Variants in CCDC138 observed in about 807,000 individuals in gnomAD.
The protein encoded by CCDC138 is coiled-coil domain-containing protein 138.
In CCDC138, 66 loss-of-function variants were observed where a neutral mutation model predicts 82.3. The observed-to-expected ratio is 0.80, with a 90% CI of 0.66 to 0.98. The LOEUF (loss-of-function observed/expected upper bound fraction) is 0.98. CCDC138 is among the 50% of genes least tolerant of loss of function. The pLI is 0.00. For synonymous variants in CCDC138, 297 were observed against 265.4 expected (o/e 1.12, Z -1.16); for missense variants, 816 against 758.9 (o/e 1.08, Z -0.88).
At chr2:108,813,979 C>T (rs751800951) in intron 9 of CCDC138, among the ~76,000 whole-genome samples, 2 of 152,066 alleles carry the variant, frequency 1.3e-5, no homozygotes, top group Non-Finnish European at 2.9e-5. Flanking sequence ...GAGTTTGTTC[C>T]TTCATTCTTC....
intron 6 of CCDC138, among the ~76,000 whole-genome samples, chr2:108,803,879 C>A (rs1349219988): frequency 6.6e-6 from 1 of 151,988 alleles, no homozygotes; most frequent in East Asian, 1.9e-4. Flanking sequence ...TTTTTAGTAT[C>A]TTTTAGATAT....
At chr2:108,875,337 GAAAC>G (rs1367818748) in intron 14 of CCDC138, among the ~76,000 whole-genome samples, 15 of 132,842 alleles carry the variant, frequency 1.1e-4, no homozygotes, top group South Asian at 9.3e-4. Context: ...AAAAAAAAAA[GAAAC>G]AAATTCTTAA....
At chr2:108,844,813 T>A (rs1380568074) in intron 11 of CCDC138, among the ~76,000 whole-genome samples, 1 of 151,208 alleles carries the variant, frequency 6.6e-6, no homozygotes, top group African/African-American at 2.4e-5. Flanking sequence ...AGTGGCACGA[T>A]CTCGGCTCAC....
At chr2:108,867,295 T>C (rs1694567871) in intron 13 of CCDC138, among the ~76,000 whole-genome samples, 1 of 152,154 alleles carries the variant, frequency 6.6e-6, no homozygotes, top group African/African-American at 2.4e-5. Flanking sequence ...ACTCCAGAAC[T>C]GAGAGATTCC....
chr2:108,794,174 A>G (rs1034453309), intron 4 of CCDC138, among the ~76,000 whole-genome samples: 3 of 152,226 alleles, frequency 2.0e-5, no homozygotes, highest in Non-Finnish European at 2.9e-5. Context: ...AGCAGCATGT[A>G]ACACTTACTT....
intron 10 of CCDC138, among the ~76,000 whole-genome samples, chr2:108,832,961 A>G (rs1687950133): frequency 6.6e-6 from 1 of 152,236 alleles, no homozygotes; most frequent in African/African-American, 2.4e-5. Context: ...CAAGGGATCT[A>G]TATTTTACCA....
chr2:108,796,013 G>A (rs908202750), intron 5 of CCDC138, among the ~76,000 whole-genome samples: 1 of 152,116 alleles, frequency 6.6e-6, no homozygotes, highest in Non-Finnish European at 1.5e-5. Context: ...AAGTGCAATG[G>A]ATTAACTGGT....
At chr2:108,812,509 C>T in intron 7 of CCDC138, 122 bp from the exon 8 acceptor site, 2 of 686,804 alleles carry the variant, frequency 2.9e-6, no homozygotes, top group Non-Finnish European at 2.5e-6. Context: ...ATCATGAATG[C>T]TGTCTCTGTT....
intron 13 of CCDC138, among the ~76,000 whole-genome samples, chr2:108,863,881 G>A (rs1179745731): frequency 6.6e-6 from 1 of 152,160 alleles, no homozygotes; most frequent in Admixed American, 6.5e-5. Flanking sequence ...CAATTAATGA[G>A]CGCTTTTAGC....
chr2:108,845,776 T>A (rs1311474249), intron 11 of CCDC138, among the ~76,000 whole-genome samples: 3 of 152,160 alleles, frequency 2.0e-5, no homozygotes, highest in Non-Finnish European at 2.9e-5. Context: ...TTTCACCATG[T>A]TAGCCAGGAT....
rs185830779 is a variant in CCDC138, at chr2:108,881,787, A to G, written c.44-884A>G. Among the ~76,000 whole-genome samples, 11 of 152,316 alleles carry G rather than the reference A, an allele frequency of 7.2e-5. No individual in the cohort carries two copies. In the East Asian group the frequency reaches 7.7e-4, roughly 11 times the overall value. ...GCAGTCATAACACACAAATTCATCAATTAAGTTTGCTGTCTTACATGGGTG... is the reference window on the plus strand; with the variant it reads ...GCAGTCATAACACACAAATTCATCAGTTAAGTTTGCTGTCTTACATGGGTG... On this transcript the variant is annotated intron_variant, in intron 1 of 2. Transcript: ENST00000608781.
At chr2:108,857,445 G>C (rs1692808428) in intron 13 of CCDC138, among the ~76,000 whole-genome samples, 1 of 152,054 alleles carries the variant, frequency 6.6e-6, no homozygotes, top group East Asian at 1.9e-4. Flanking sequence ...AAAAAATTAG[G>C]TAACTTCTCC....
At position 108,870,910 on chromosome 2, in the gene CCDC138, ATTTAC is replaced by A. The variant is rs138187000; in HGVS notation, c.1694-2538_1694-2534del. 7.1e-3 allele frequency among the ~76,000 whole-genome samples: 1,076 copies of A among 152,348 alleles called. 10 individuals are homozygous for A. Among genetic ancestry groups the A allele is most frequent in the African/African-American group, 0.024 (1,009 of 41,576 alleles). ...GATGGATGGTTGCACAGTAATGTGA[ATTTAC>A]TTAATACCACAGAACTGAAAACTTA... On this transcript the variant is annotated intron_variant, in intron 13 of 14. Transcript: ENST00000295124.
intron 10 of CCDC138, among the ~76,000 whole-genome samples, 165 bp downstream of exon 10, chr2:108,816,270 G>A (rs1468127246): frequency 1.3e-5 from 2 of 152,058 alleles, no homozygotes; most frequent in Non-Finnish European, 2.9e-5. Context: ...GGGCAACGTG[G>A]TGCAACCCCG....
At chr2:108,800,451 G>T (rs1393914130) in intron 6 of CCDC138, among the ~76,000 whole-genome samples, 1 of 151,788 alleles carries the variant, frequency 6.6e-6, no homozygotes, top group Non-Finnish European at 1.5e-5. Context: ...TTTTAGTAGG[G>T]ACGGGGTTTC....
chr2:108,787,985 A>G, intron 1 of CCDC138, 47 bp from the exon 2 acceptor site: 2 of 1,390,118 alleles, frequency 1.4e-6, no homozygotes, highest in South Asian at 1.3e-5. Flanking sequence ...TTGAGACAGT[A>G]AATTGATTTT....
intron 13 of CCDC138, among the ~76,000 whole-genome samples, chr2:108,862,157 A>G (rs1291231735): frequency 6.6e-6 from 1 of 151,292 alleles, no homozygotes; most frequent in African/African-American, 2.4e-5. Context: ...GATGAGAAGA[A>G]TATATATTCT....
chr2:108,789,228 T>C (rs1450868716), intron 3 of CCDC138, among the ~76,000 whole-genome samples: 2 of 152,338 alleles, frequency 1.3e-5, no homozygotes, highest in Middle Eastern at 3.4e-3. Flanking sequence ...TGAAAAAATA[T>C]ATTTTTATGG....
chr2:108,857,066 CTTTTTTTTTTTTTTTTTT>C (rs35540493), intron 13 of CCDC138, 96 bp downstream of exon 13: 5 of 42,060 alleles, frequency 1.2e-4, no homozygotes, highest in South Asian at 4.8e-4. Flanking sequence ...GATACTATTG[CTTTTTTTTTTTTTTTTTT>C]TTTTTTTTTT....
Sources: gnomAD v4.1 joint callset for allele counts (sites outside exome capture counted in the v4.1 genomes callset) on GRCh38, gnomAD v4.1.1 for gene constraint, MANE v1.5 for transcripts, NCBI Gene and HGNC (gene_info 2026-07-23, HGNC 2026-07-21) for gene names.